CIB3: variants seen among roughly 807,000 people sequenced by gnomAD.
CIB3 encodes calcium and integrin binding family member 3, also known as calcium and integrin-binding family member 3.
CIB3 carries 22 observed loss-of-function variants against 23.4 expected under a neutral mutation model. That is an observed-to-expected ratio of 0.94 (90% CI 0.67 to 1.34). The LOEUF is 1.34. Ranked by LOEUF, CIB3 falls within the 40% of genes most tolerant of loss-of-function variation. The pLI is 0.00. For synonymous variants in CIB3, 93 were observed against 95.8 expected, an observed-to-expected ratio of 0.97 and a Z score of 0.17; for missense variants, 258 against 247.3, an observed-to-expected ratio of 1.04 and a Z score of -0.29.
At chr19:16,163,018 T>C (rs890445859) in intron 5 of CIB3, among the ~76,000 whole-genome samples, 2 of 150,312 alleles carry the variant, frequency 1.3e-5, no homozygotes, top group Admixed American at 1.3e-4. Context: ...GCCTCCCGAG[T>C]AGCTGGGACT....
intron 2 of CIB3, among the ~76,000 whole-genome samples, 200 bp downstream of exon 2, chr19:16,172,962 A>G (rs564558682): frequency 1.3e-3 from 154 of 120,960 alleles, no homozygotes; most frequent in African/African-American, 4.0e-3. Context: ...AAAAAAAAAG[A>G]AAAGAAGGAA....
chr19:16,164,230 C>T (rs1277714294), intron 5 of CIB3, among the ~76,000 whole-genome samples: 1 of 152,234 alleles, frequency 6.6e-6, no homozygotes, highest in Non-Finnish European at 1.5e-5. Flanking sequence ...CCCACTTAGC[C>T]TCCCAAAGTG....
chr19:16,168,141 A>G lies in CIB3; in HGVS notation c.342T>C (p.Ile114=). The G allele has an allele frequency of 6.2e-7, 1 of 1,607,560 alleles. No individual in the cohort carries two copies. Among genetic ancestry groups the G allele is most frequent in the South Asian group, 1.1e-5 (1 of 89,594 alleles). Reference sequence around the variant, plus strand: ...ACCCCAGGGCCACGCACGCACCATAAATTTTAAAAGCATAGTAAGCCTTGA... The same window carrying G: ...ACCCCAGGGCCACGCACGCACCATAGATTTTAAAAGCATAGTAAGCCTTGA... ...RDLKAYYAFK[I]YDFNNDDYIC... is the part of the protein sequence containing the mutation. Residue 114 remains isoleucine (I), a synonymous_variant, in exon 4 of 6, where the codon ATT becomes ATC. Transcript: ENST00000269878.
Position 16,161,474 on chromosome 19 carries a change from G to C in CIB3, c.555C>G (p.Ile185Met). 1.2e-6 allele frequency: 2 copies of C among 1,614,042 alleles called. No homozygotes were observed. The highest frequency in any genetic ancestry group is 1.7e-6 in the Non-Finnish European group (2 of 1,179,988). The change falls in exon 6 of 6, where the codon ATC becomes ATG. Residue 185 changes from isoleucine (I) to methionine (M), a missense_variant. Transcript: ENST00000269878. ...CTCCTCTGTGGTGCCATCAGATTCG[G>C]ATGTGGAAGGTGCTGTGTGCAGAGA... is the stretch of plus-strand genomic sequence containing the variant. Reference protein sequence around the residue: ...RAPDFLSTFHIRI With the variant: ...RAPDFLSTFHMRI
At position 16,164,762 on chromosome 19, in the gene CIB3, C is replaced by T. The variant is rs149514486; in HGVS notation, c.498G>A (p.Leu166=). The change falls in exon 5 of 6, where the codon CTG becomes CTA. Residue 166 remains leucine, a synonymous_variant. Transcript: ENST00000269878. ...GGAGGATCATGTTCTGGAAATCTTC[C>T]AGGGACAGCCGCCCATCATGGTCTC... ...ADGDHDGRLS[L]EDFQNMILRA... 1,281 of 1,613,986 alleles carry T rather than the reference C, an allele frequency of 7.9e-4. 9 individuals carry two copies. In the African/African-American group the frequency reaches 0.015, roughly 19 times the overall value.
In CIB3 at chr19:16,164,633, T is replaced by A. The variant is rs2145077748; in HGVS notation, c.542+85A>T. 14 of 1,273,648 alleles carry A rather than the reference T, an allele frequency of 1.1e-5. 1 individual carries two copies. In the South Asian group the frequency reaches 1.9e-4, roughly 18 times the overall value. The allele number at this position is 1,273,648 out of a possible 1,614,324, so 78.9% of individuals were successfully genotyped here. A position where few individuals can be genotyped will look rare whatever the true frequency, so the allele number is the denominator to read the frequency against. ...GTCATGAAAGAATGAATAGAGGAATTTTCAGAAACAGAGTCTGTGAACTGT... is the reference window on the plus strand; with the variant it reads ...GTCATGAAAGAATGAATAGAGGAATATTCAGAAACAGAGTCTGTGAACTGT... On this transcript the variant is annotated intron_variant, in intron 5 of 5. Transcript: ENST00000269878.
chr19:16,165,416 A>G (rs1448659755), intron 4 of CIB3, among the ~76,000 whole-genome samples: 1 of 151,304 alleles, frequency 6.6e-6, no homozygotes, highest in Non-Finnish European at 1.5e-5. Context: ...TCATTCAACA[A>G]GTATTTATGC....
intron 5 of CIB3, among the ~76,000 whole-genome samples, chr19:16,162,013 A>T (rs2091286657): frequency 2.0e-5 from 3 of 151,962 alleles, no homozygotes; most frequent in Admixed American, 2.0e-4. Flanking sequence ...AATAGCTAGA[A>T]GAAGGATACT....
At chr19:16,166,039 C>G (rs2091304506) in intron 4 of CIB3, among the ~76,000 whole-genome samples, 1 of 152,078 alleles carries the variant, frequency 6.6e-6, no homozygotes, top group African/African-American at 2.4e-5. Context: ...TGCCTGTAAT[C>G]CCAGCACTTT....
rs748048925 is a variant in CIB3 at position 16,164,834 on chromosome 19, G to A, written c.426C>T (p.Ala142=). The change falls in exon 5 of 6, where the codon GCC becomes GCT. Residue 142 remains alanine (A), a synonymous_variant. Coordinates refer to ENST00000269878, the MANE Select transcript of CIB3 (RefSeq NM_054113.4). ...VTKLTRGGLS[A]EEVSLVCEKV... ...TCTCACATACCAGGCTCACCTCCTC[G>A]GCACTCAGCCCCCCCCGCGTCAGTT... 1.5e-5 allele frequency: 24 copies of A among 1,613,704 alleles called. No homozygotes were observed. Among genetic ancestry groups the A allele is most frequent in the East Asian group, 4.5e-5 (2 of 44,852 alleles).
intron 5 of CIB3, among the ~76,000 whole-genome samples, chr19:16,163,129 G>A (rs904723680): frequency 3.3e-5 from 5 of 151,982 alleles, no homozygotes; most frequent in Admixed American, 6.6e-5. Flanking sequence ...GAGCCACTGC[G>A]CTCGGCCCCG....
intron 5 of CIB3, among the ~76,000 whole-genome samples, chr19:16,164,509 A>G (rs989432345): frequency 1.3e-5 from 2 of 152,126 alleles, no homozygotes; most frequent in Non-Finnish European, 2.9e-5. Context: ...TTGCTGAAAG[A>G]GGTGTATCCA....
At chr19:16,173,290 G>C in intron 1 of CIB3, 94 bp from the exon 2 acceptor site, 1 of 1,589,640 alleles carries the variant, frequency 6.3e-7, no homozygotes, top group Non-Finnish European at 8.6e-7. Context: ...CAGATGGCCT[G>C]ATGCTGCCAC....
At chr19:16,171,839 G>A (rs2091329470) in intron 2 of CIB3, among the ~76,000 whole-genome samples, 1 of 152,210 alleles carries the variant, frequency 6.6e-6, no homozygotes, top group African/African-American at 2.4e-5. Context: ...AAAAGGTGTG[G>A]CCATCAATAA....
chr19:16,164,599 T>C, intron 5 of CIB3, 119 bp downstream of exon 5: 1 of 992,180 alleles, frequency 1.0e-6, no homozygotes, highest in Non-Finnish European at 1.5e-6. Context: ...ATTGAGAAAG[T>C]TTCCCAAGGT....
chr19:16,172,048 C>T (rs1599438277), intron 2 of CIB3, among the ~76,000 whole-genome samples: 1 of 152,342 alleles, frequency 6.6e-6, no homozygotes, highest in South Asian at 2.1e-4. Flanking sequence ...AGCCTTGGGC[C>T]ACCTCCTCAC....
At chr19:16,165,920 T>C (rs2145079823) in intron 4 of CIB3, among the ~76,000 whole-genome samples, 1 of 152,310 alleles carries the variant, frequency 6.6e-6, no homozygotes, top group Middle Eastern at 3.4e-3. Flanking sequence ...TTTCATTCAT[T>C]CACTCACTTA....
At chr19:16,162,976 C>T (rs969854047) in intron 5 of CIB3, among the ~76,000 whole-genome samples, 1 of 148,962 alleles carries the variant, frequency 6.7e-6, no homozygotes, top group Non-Finnish European at 1.5e-5. Context: ...CTCCACCTCC[C>T]AGGTTCGGGT....
intron 2 of CIB3, among the ~76,000 whole-genome samples, chr19:16,172,088 C>T (rs1030684851): frequency 1.3e-5 from 2 of 152,250 alleles, no homozygotes; most frequent in Non-Finnish European, 2.9e-5. Flanking sequence ...GCCCACAACC[C>T]AGACTGGGCT....
Sources: gnomAD v4.1 joint callset for allele counts (sites outside exome capture counted in the v4.1 genomes callset) on GRCh38, gnomAD v4.1.1 for gene constraint, MANE v1.5 for transcripts, NCBI Gene and HGNC (gene_info 2026-07-23, HGNC 2026-07-21) for gene names.